The following CYRIB variants were observed in gnomAD, a reference collection of about 807,000 sequenced individuals.
CYRIB encodes CYFIP-related Rac1 interactor B.
Under a neutral mutation model 44.2 loss-of-function variants are expected in CYRIB, and 8 were observed. That is an observed-to-expected ratio of 0.18 (90% confidence interval 0.11 to 0.33). The LOEUF is 0.33. CYRIB is among the 10% of genes least tolerant of loss of function. The pLI is 1.00. For synonymous variants in CYRIB, 131 were observed against 127.2 expected, an observed-to-expected ratio of 1.03 and a Z score of -0.20; for missense variants, 185 against 382.8, an observed-to-expected ratio of 0.48 and a Z score of 4.31.
intron 1 of CYRIB, among the ~76,000 whole-genome samples, chr8:129,915,394 T>C (rs1258811115): frequency 1.3e-5 from 2 of 152,158 alleles, no homozygotes; most frequent in African/African-American, 4.8e-5. Context: ...TAAAAGAATA[T>C]ATATTGTATG....
chr8:129,843,964 G>T (rs2038172260), intron 11 of CYRIB: 1 of 150,578 alleles, frequency 6.6e-6, no homozygotes, highest in Non-Finnish European at 1.5e-5. Context: ...AGGTTGGAAA[G>T]AAAAAAAAAT....
Position 129,907,996 on chromosome 8 carries a change from T to C in CYRIB, c.-49-4646A>G, listed in dbSNP as rs1563756055. ...CAGCCTAGGTGACAGAGTAAGACTC[T>C]GTTCAAAAAATAAATAAGTAAGTAA... On this transcript the variant is annotated intron_variant, in intron 1 of 11. Coordinates refer to ENST00000519824, the Ensembl canonical transcript of CYRIB. Among the ~76,000 whole-genome samples, 4 of 152,254 alleles carry C rather than the reference T, an allele frequency of 2.6e-5. No individual in the cohort carries two copies. In the South Asian group the frequency reaches 6.2e-4, roughly 24 times the overall value.
At chr8:129,998,851 C>T (rs1971905) in intron 1 of CYRIB, among the ~76,000 whole-genome samples, 66,462 of 151,912 alleles carry the variant, frequency 0.44, 14,918 homozygotes, top group African/African-American at 0.54. Context: ...AAGGTGGTCT[C>T]GAACTCCTGA....
intron 1 of CYRIB, 30 bp from the exon 4 acceptor site, chr8:129,903,380 G>T (rs1040856728): frequency 6.6e-6 from 1 of 152,622 alleles, no homozygotes; most frequent in East Asian, 1.9e-4. Context: ...AAGGAAGAAA[G>T]TCTAAAACAT....
At chr8:129,874,818 A>C (rs1197293055) in intron 3 of CYRIB, among the ~76,000 whole-genome samples, 2 of 152,204 alleles carry the variant, frequency 1.3e-5, no homozygotes, top group African/African-American at 4.8e-5. Flanking sequence ...TGCAAGAGAT[A>C]AATGAAAAAA....
At position 129,849,242 on chromosome 8, in the gene CYRIB, C is replaced by T; in HGVS notation, c.840+1G>A. ...ATTATTTATATAAAACAATAACTTA[C>T]ATCAATTTTGGAAGTTTTAGCAAAT... is the stretch of plus-strand genomic sequence containing the variant. On this transcript the variant is annotated splice_donor_variant, in intron 10 of 11. Coordinates refer to ENST00000519824, the Ensembl canonical transcript of CYRIB. LOFTEE classifies it high-confidence loss of function. 1 of 1,590,824 alleles carries T rather than the reference C, an allele frequency of 6.3e-7. No individual in the cohort carries two copies. The highest frequency in any genetic ancestry group is 8.5e-7 in the Non-Finnish European group (1 of 1,173,434).
intron 1 of CYRIB, among the ~76,000 whole-genome samples, chr8:129,932,349 A>T (rs953435164): frequency 7.9e-5 from 12 of 152,296 alleles, no homozygotes; most frequent in Non-Finnish European, 1.6e-4. Flanking sequence ...TCTGGAGCAA[A>T]GGACAAGCAT....
chr8:129,900,719 G>A (rs1359228474), intron 2 of CYRIB, among the ~76,000 whole-genome samples: 1 of 152,166 alleles, frequency 6.6e-6, no homozygotes, highest in Non-Finnish European at 1.5e-5. Context: ...CTGCTCTACT[G>A]CCTAGGCTGG....
intron 1 of CYRIB, among the ~76,000 whole-genome samples, chr8:130,006,667 T>C (rs1436735755): frequency 7.4e-6 from 1 of 134,390 alleles, no homozygotes; most frequent in African/African-American, 2.8e-5. Flanking sequence ...TATATGTATA[T>C]ATATATGTAT....
intron 2 of CYRIB, among the ~76,000 whole-genome samples, chr8:129,958,993 G>C (rs1373975636): frequency 6.7e-6 from 1 of 149,586 alleles, no homozygotes; most frequent in Non-Finnish European, 1.5e-5. Flanking sequence ...GAATCTGGGA[G>C]GCAGAGATTG....
At chr8:129,964,201 G>A (rs545599260) in intron 2 of CYRIB, among the ~76,000 whole-genome samples, 1 of 152,330 alleles carries the variant, frequency 6.6e-6, no homozygotes, top group Admixed American at 6.5e-5. Context: ...TTAGTCCTTT[G>A]ATGATGCATA....
chr8:129,936,386 AC>A (rs950364471), intron 1 of CYRIB, among the ~76,000 whole-genome samples: 1 of 152,234 alleles, frequency 6.6e-6, no homozygotes, highest in African/African-American at 2.4e-5. Flanking sequence ...TATAAAACTA[AC>A]CTAATGGTTA....
chr8:129,842,725 G>A (rs2037126514), intron 11 of CYRIB, among the ~76,000 whole-genome samples: 1 of 152,216 alleles, frequency 6.6e-6, no homozygotes, highest in South Asian at 2.1e-4. Flanking sequence ...ACACCAAGTT[G>A]ACTCATTCAT....
rs533834428 is a variant in CYRIB at position 129,927,270 on chromosome 8, C to T, written c.-50+12338G>A. Among the ~76,000 whole-genome samples, 6 of 152,044 alleles carry T rather than the reference C, an allele frequency of 3.9e-5. No homozygotes were observed. In the South Asian group the frequency reaches 6.2e-4, roughly 16 times the overall value. ...TTGCGCCACTGCACTCCAGCCTGGG[C>T]GACAGTGAGACTCTGTCTCCACAAG... On this transcript the variant is annotated intron_variant, in intron 1 of 11. Coordinates refer to ENST00000519824, the Ensembl canonical transcript of CYRIB.
At chr8:130,008,164 G>A (rs528246701) in intron 1 of CYRIB, among the ~76,000 whole-genome samples, 16 of 152,254 alleles carry the variant, frequency 1.1e-4, no homozygotes, top group Admixed American at 3.9e-4. Context: ...AGCCGAGATC[G>A]TGCCACTGCA....
chr8:129,941,379 T>G (rs889899707), upstream of CYRIB, among the ~76,000 whole-genome samples: 6 of 150,616 alleles, frequency 4.0e-5, no homozygotes, highest in Non-Finnish European at 7.4e-5. Flanking sequence ...GTTCAAGCGA[T>G]TCTCCTGTCT....
At chr8:129,939,696 C>A (rs542339521) in exon 1 of CYRIB, 4 of 152,432 alleles carry the variant, frequency 2.6e-5, no homozygotes, top group African/African-American at 9.6e-5. Flanking sequence ...CTAGGGGGAG[C>A]CCCGGGTCCG....
At chr8:129,877,523 C>T (rs2059468862) in intron 3 of CYRIB, among the ~76,000 whole-genome samples, 1 of 151,942 alleles carries the variant, frequency 6.6e-6, no homozygotes, top group African/African-American at 2.4e-5. Flanking sequence ...GTGGCATGTG[C>T]CTGTAGTCCC....
chr8:129,871,844 A>G (rs1350351907), intron 3 of CYRIB, among the ~76,000 whole-genome samples: 1 of 152,114 alleles, frequency 6.6e-6, no homozygotes, highest in African/African-American at 2.4e-5. Flanking sequence ...CATCACTATC[A>G]CTGTAAATGC....
Sources: allele counts gnomAD v4.1 joint callset (sites outside exome capture counted in the v4.1 genomes callset), GRCh38; gene constraint gnomAD v4.1.1; transcripts MANE v1.5; gene names NCBI Gene and HGNC (gene_info 2026-07-23, HGNC 2026-07-21).